Variants in ZNF385D observed in about 807,000 individuals in gnomAD.
ZNF385D encodes zinc finger protein 659.
ZNF385D carries 15 observed loss-of-function variants against 35.8 expected under a neutral mutation model. That is an observed-to-expected ratio of 0.42 (90% CI 0.28 to 0.64). The LOEUF (loss-of-function observed/expected upper bound fraction) is 0.64, where lower values mean the gene tolerates loss of function less well. Ranked by LOEUF, ZNF385D falls within the 30% of genes least tolerant of loss-of-function variation. ZNF385D has a pLI of 0.23. For synonymous variants in ZNF385D, 212 were observed against 186.8 expected, an observed-to-expected ratio of 1.13 and a Z score of -1.10; for missense variants, 474 against 494.6, an observed-to-expected ratio of 0.96 and a Z score of 0.39.
chr3:21,521,793 C>G (rs999831334), intron 3 of ZNF385D, among the ~76,000 whole-genome samples: 1 of 151,956 alleles, frequency 6.6e-6, no homozygotes, highest in Admixed American at 6.6e-5. Context: ...ATACCATAGG[C>G]AAAGTAATAT....
chr3:21,974,844 A>C (rs1350494609), intron 3 of ZNF385D, among the ~76,000 whole-genome samples: 1 of 152,214 alleles, frequency 6.6e-6, no homozygotes, highest in Non-Finnish European at 1.5e-5. Context: ...TCATCAGAGA[A>C]ATGCAAATCC....
intron 1 of ZNF385D, among the ~76,000 whole-genome samples, chr3:21,690,552 C>T (rs1244896739): frequency 6.6e-6 from 1 of 152,124 alleles, no homozygotes; most frequent in African/African-American, 2.4e-5. Context: ...CTGCTCATTT[C>T]CTCATGTTCT....
At chr3:21,653,629 C>T (rs2065987970) in intron 2 of ZNF385D, among the ~76,000 whole-genome samples, 1 of 151,982 alleles carries the variant, frequency 6.6e-6, no homozygotes, top group African/African-American at 2.4e-5. Flanking sequence ...AATTATTTAT[C>T]TGCCTCATTC....
intron 2 of ZNF385D, among the ~76,000 whole-genome samples, chr3:22,337,465 C>T (rs922817727): frequency 3.3e-5 from 5 of 152,058 alleles, no homozygotes; most frequent in African/African-American, 7.2e-5. Flanking sequence ...ACCTGGGAAG[C>T]GGAGGTTGCA....
intron 3 of ZNF385D, among the ~76,000 whole-genome samples, chr3:21,900,304 C>A (rs1438672426): frequency 1.3e-5 from 2 of 151,890 alleles, no homozygotes; most frequent in Non-Finnish European, 2.9e-5. Flanking sequence ...ATGTGAAAGG[C>A]AAATCAAATT....
At chr3:22,277,353 G>T (rs976967962) in intron 2 of ZNF385D, among the ~76,000 whole-genome samples, 1 of 152,086 alleles carries the variant, frequency 6.6e-6, no homozygotes, top group African/African-American at 2.4e-5. Context: ...CTGTACTGGT[G>T]AAGGAATGCT....
intron 3 of ZNF385D, among the ~76,000 whole-genome samples, chr3:21,982,069 T>C (rs77657095): frequency 0.11 from 15,959 of 143,756 alleles, 1,147 homozygotes; most frequent in South Asian, 0.27. Flanking sequence ...TCCATTTGAA[T>C]TTTAAAATAG....
chr3:21,730,474 C>T (rs1009708399), intron 1 of ZNF385D, among the ~76,000 whole-genome samples: 5 of 152,100 alleles, frequency 3.3e-5, no homozygotes, highest in Admixed American at 3.3e-4. Flanking sequence ...GTTCATAATC[C>T]ATTGCCAGAT....
chr3:21,909,896 G>A (rs557841480), intron 3 of ZNF385D, among the ~76,000 whole-genome samples: 8 of 152,052 alleles, frequency 5.3e-5, no homozygotes, highest in African/African-American at 1.9e-4. Context: ...TATGAATAAT[G>A]TATCATTGTT....
intron 2 of ZNF385D, among the ~76,000 whole-genome samples, chr3:22,317,421 T>A (rs1483697484): frequency 2.0e-5 from 3 of 147,962 alleles, no homozygotes; most frequent in Non-Finnish European, 4.4e-5. Context: ...AGACTGGGAG[T>A]CATCACCACC....
intron 3 of ZNF385D, among the ~76,000 whole-genome samples, chr3:21,764,102 T>G (rs745902673): frequency 1.3e-4 from 20 of 152,012 alleles, no homozygotes; most frequent in Non-Finnish European, 2.6e-4. Flanking sequence ...TTTTGAGAAT[T>G]TGACGTCTAA....
At chr3:21,430,386 C>G (rs552589425) in intron 5 of ZNF385D, among the ~76,000 whole-genome samples, 51 of 152,112 alleles carry the variant, frequency 3.4e-4, no homozygotes, top group African/African-American at 1.2e-3. Flanking sequence ...AAAAAATAAG[C>G]ATGCTTTTTT....
intron 2 of ZNF385D, among the ~76,000 whole-genome samples, chr3:22,351,800 T>C (rs752542366): frequency 7.2e-5 from 11 of 152,182 alleles, no homozygotes; most frequent in Non-Finnish European, 1.3e-4. Context: ...GAGATCTGAA[T>C]TGCTTGCCCT....
chr3:21,417,243 T>A lies in ZNF385D; in HGVS notation c.*3971A>T, dbSNP rs1053736552. 1 of 152,100 alleles carries A rather than the reference T, an allele frequency of 6.6e-6. No homozygotes were observed. The highest frequency in any genetic ancestry group is 1.5e-5 in the Non-Finnish European group (1 of 67,984). The allele number at this position is 152,100 out of a possible 1,614,324, so 9.4% of individuals were successfully genotyped here. A position where few individuals can be genotyped will look rare whatever the true frequency, so the allele number is the denominator to read the frequency against. On this transcript the variant is annotated 3_prime_UTR_variant, in exon 8 of 8. Coordinates refer to ENST00000281523, the MANE Select transcript of ZNF385D (RefSeq NM_024697.3). ...CAATGCCCCTCTAGTGCTGATGTAT[T>A]AAACCAGCTTAGCTATTAATCACTG...
intron 3 of ZNF385D, among the ~76,000 whole-genome samples, chr3:21,805,322 A>C (rs1474287607): frequency 6.6e-6 from 1 of 152,208 alleles, no homozygotes; most frequent in African/African-American, 2.4e-5. Context: ...TTTAGTGTGG[A>C]AATAGGTTGT....
intron 3 of ZNF385D, among the ~76,000 whole-genome samples, chr3:21,993,390 T>A (rs113485394): frequency 0.035 from 5,286 of 152,230 alleles, 306 homozygotes; most frequent in African/African-American, 0.12. Context: ...GGTAAAATTA[T>A]TGATTGTCTC....
At chr3:21,463,941 T>A (rs1703342556) in intron 4 of ZNF385D, among the ~76,000 whole-genome samples, 1 of 152,146 alleles carries the variant, frequency 6.6e-6, no homozygotes, top group African/African-American at 2.4e-5. Context: ...TGTCCCATAT[T>A]TTCTTATTTA....
intron 3 of ZNF385D, among the ~76,000 whole-genome samples, chr3:21,874,591 CTT>C (rs1284398340): frequency 6.6e-6 from 1 of 151,968 alleles, no homozygotes; most frequent in Non-Finnish European, 1.5e-5. Context: ...GCACCATACT[CTT>C]TTGATTACTG....
chr3:22,263,092 G>A (rs951513376), intron 2 of ZNF385D, among the ~76,000 whole-genome samples: 6 of 151,876 alleles, frequency 4.0e-5, no homozygotes, highest in African/African-American at 1.5e-4. Flanking sequence ...GACCTTCCGT[G>A]GTAACCTCTT....
Sources: gnomAD v4.1 joint callset for allele counts (sites outside exome capture counted in the v4.1 genomes callset) on GRCh38, gnomAD v4.1.1 for gene constraint, MANE v1.5 for transcripts, NCBI Gene and HGNC (gene_info 2026-07-23, HGNC 2026-07-21) for gene names.